Variants in ZNF362 observed in about 807,000 individuals in gnomAD.
ZNF362 encodes the protein rotund homolog.
A neutral mutation model predicts 42.9 loss-of-function variants in ZNF362; 11 were observed. The observed-to-expected ratio is 0.26, with a 90% confidence interval of 0.16 to 0.42. The LOEUF is 0.42. ZNF362 is among the 20% of genes least tolerant of loss of function. The pLI is 1.00. For synonymous variants in ZNF362, 255 were observed against 257.3 expected (o/e 0.99, Z 0.09); for missense variants, 362 against 576.2 (o/e 0.63, Z 3.81).
chr1:33,222,421 C>A, the ZNF362 span, among the ~76,000 whole-genome samples: 1 of 152,210 alleles, frequency 6.6e-6, no homozygotes, highest in African/African-American at 2.4e-5. Context: ...TACATTACTG[C>A]AAATAGTCAT....
intron 8 of ZNF362, among the ~76,000 whole-genome samples, chr1:33,296,593 G>A (rs1484037119): frequency 6.6e-6 from 1 of 152,172 alleles, no homozygotes; most frequent in South Asian, 2.1e-4. Context: ...ACCTGGAGGA[G>A]CAACACTTAG....
chr1:33,183,125 G>A, the ZNF362 span, among the ~76,000 whole-genome samples: 2 of 152,202 alleles, frequency 1.3e-5, no homozygotes, highest in African/African-American at 2.4e-5. Context: ...CCTGCAGGAG[G>A]TGAGACCCGA....
chr1:33,209,636 C>T, the ZNF362 span, among the ~76,000 whole-genome samples: 45 of 152,242 alleles, frequency 3.0e-4, no homozygotes, highest in Non-Finnish European at 5.0e-4. Context: ...TCAACTTCTT[C>T]CTGGTTTAGT....
rs1645987508 is a variant in ZNF362, at chr1:33,280,772, A to G, written c.683+315A>G. Reference sequence around the variant, plus strand: ...CAGTGTTCTCAACCCTGGCCACCTTAGAATCACCTGAAGAGGCCGTGCACA... The same window carrying G: ...CAGTGTTCTCAACCCTGGCCACCTTGGAATCACCTGAAGAGGCCGTGCACA... On this transcript the variant is annotated intron_variant, in intron 5 of 8. Transcript: ENST00000539719. This position sits in a 1 kb window ranked among gnomAD's most constrained non-coding sequence, Gnocchi z 5.6. Among the ~76,000 whole-genome samples, 1 of 152,194 alleles carries G rather than the reference A, an allele frequency of 6.6e-6. No homozygotes were observed. The highest frequency in any genetic ancestry group is 1.5e-5 in the Non-Finnish European group (1 of 68,032).
chr1:33,189,709 G>GTGTATATATACATATATATATA, the ZNF362 span, among the ~76,000 whole-genome samples: 3 of 12,448 alleles, frequency 2.4e-4, 1 homozygote, highest in South Asian at 4.3e-3. Flanking sequence ...ACATATATAC[G>GTGTATATATACATATATATATA]TATATATATA....
At chr1:33,142,893 A>C in the ZNF362 span, 1 of 151,930 alleles carries the variant, frequency 6.6e-6, no homozygotes, top group African/African-American at 2.4e-5. Flanking sequence ...CCCTGCTCAA[A>C]CACTGAGATA....
the ZNF362 span, among the ~76,000 whole-genome samples, chr1:33,133,061 G>A: frequency 6.6e-6 from 1 of 152,240 alleles, no homozygotes; most frequent in Non-Finnish European, 1.5e-5. Flanking sequence ...CCCTGCGGAG[G>A]CCCCATCAGG....
chr1:33,171,938 C>T, the ZNF362 span, among the ~76,000 whole-genome samples: 4 of 152,076 alleles, frequency 2.6e-5, no homozygotes, highest in Admixed American at 6.5e-5. Flanking sequence ...CCCGACACCA[C>T]GCCTGGCTAA....
the ZNF362 span, among the ~76,000 whole-genome samples, chr1:33,140,832 C>T: frequency 6.6e-6 from 1 of 152,188 alleles, no homozygotes; most frequent in African/African-American, 2.4e-5. The surrounding 1 kb of genome is among the most constrained non-coding windows in gnomAD (Gnocchi z 4.0). Flanking sequence ...AGGAAGGCAC[C>T]CAGCTCCTGG....
At chr1:33,132,815 T>C in the ZNF362 span, among the ~76,000 whole-genome samples, 1 of 152,256 alleles carries the variant, frequency 6.6e-6, no homozygotes, top group Non-Finnish European at 1.5e-5. Context: ...ATAGTCAGAC[T>C]AGATGTCCTG....
At chr1:33,174,006 CT>C in the ZNF362 span, among the ~76,000 whole-genome samples, 2 of 151,836 alleles carry the variant, frequency 1.3e-5, no homozygotes, top group African/African-American at 4.8e-5. Context: ...TGCTTAGCCT[CT>C]TTTTAAAAAA....
At chr1:33,174,960 TATATATA>T in the ZNF362 span, among the ~76,000 whole-genome samples, 1 of 140,292 alleles carries the variant, frequency 7.1e-6, no homozygotes, top group Non-Finnish European at 1.5e-5. Context: ...TATATATATA[TATATATA>T]TACACACATA....
the ZNF362 span, among the ~76,000 whole-genome samples, chr1:33,244,625 T>C: frequency 6.6e-6 from 1 of 152,228 alleles, no homozygotes; most frequent in South Asian, 2.1e-4. This position sits in a 1 kb window ranked among gnomAD's most constrained non-coding sequence, Gnocchi z 4.0. Context: ...AAGGCACTTA[T>C]GGCTGAGGTG....
At chr1:33,197,513 T>G in the ZNF362 span, among the ~76,000 whole-genome samples, 1 of 152,338 alleles carries the variant, frequency 6.6e-6, no homozygotes, top group Non-Finnish European at 1.5e-5. Flanking sequence ...AAAGTCGTTA[T>G]GCAGTGCATA....
the ZNF362 span, among the ~76,000 whole-genome samples, chr1:33,138,820 GA>G: frequency 2.0e-5 from 3 of 152,084 alleles, no homozygotes; most frequent in Admixed American, 6.6e-5. Context: ...TTTTAAATGA[GA>G]AAATCTTTTG....
chr1:33,257,268 G>A (rs1645799530), intron 1 of ZNF362, among the ~76,000 whole-genome samples: 1 of 151,684 alleles, frequency 6.6e-6, no homozygotes, highest in South Asian at 2.1e-4. Flanking sequence ...TTTCTTTGGC[G>A]AGAGCCGCGA....
the ZNF362 span, among the ~76,000 whole-genome samples, chr1:33,177,008 T>C: frequency 6.6e-6 from 1 of 151,242 alleles, no homozygotes; most frequent in Non-Finnish European, 1.5e-5. This position sits in a 1 kb window ranked among gnomAD's most constrained non-coding sequence, Gnocchi z 4.1. Flanking sequence ...GCAGTGGAGG[T>C]GGGGAGGAAG....
intron 1 of ZNF362, among the ~76,000 whole-genome samples, chr1:33,257,550 G>GCGGGAT (rs1645802348): frequency 6.6e-6 from 1 of 151,808 alleles, no homozygotes; most frequent in Non-Finnish European, 1.5e-5. Flanking sequence ...TCAGAGCTGC[G>GCGGGAT]CGGGATGGGG....
intron 8 of ZNF362, 109 bp from the exon 9 acceptor site, chr1:33,298,821 C>T (rs1646143494): frequency 1.1e-6 from 1 of 896,556 alleles, no homozygotes; most frequent in Non-Finnish European, 1.8e-6. Flanking sequence ...TGTCCTCCAC[C>T]CTCTGAACCG....
Sources: allele counts gnomAD v4.1 joint callset (sites outside exome capture counted in the v4.1 genomes callset), GRCh38; gene constraint gnomAD v4.1.1; non-coding constraint Gnocchi (gnomAD v3.1); transcripts MANE v1.5; gene names NCBI Gene and HGNC (gene_info 2026-07-23, HGNC 2026-07-21).